SPATA6L: variants seen among roughly 807,000 people sequenced by gnomAD.
The protein encoded by SPATA6L is spermatogenesis associated 6 like.
A neutral mutation model predicts 49.2 loss-of-function variants in SPATA6L; 68 were observed. The ratio of observed to expected loss-of-function variants is 1.38; its 90% confidence interval spans 1.14 to 1.69. SPATA6L has a LOEUF of 1.69. Among genes scored for constraint, SPATA6L ranks in the 40% most tolerant of loss-of-function variants. SPATA6L has a pLI of 0.00. For missense variants in SPATA6L, 668 were observed against 464.3 expected (o/e 1.44, Z -4.03); for synonymous variants, 198 against 165.7 (o/e 1.19, Z -1.50).
chr9:4,618,545 A>C (rs564438115), intron 8 of SPATA6L, among the ~76,000 whole-genome samples: 3 of 152,336 alleles, frequency 2.0e-5, no homozygotes, highest in African/African-American at 7.2e-5. Context: ...AACTTCAAGA[A>C]CAAGTGATTT....
At chr9:4,648,145 G>T (rs301478) in intron 3 of SPATA6L, among the ~76,000 whole-genome samples, 95,786 of 151,932 alleles carry the variant, frequency 0.63, 32,161 homozygotes, top group African/African-American at 0.88. Flanking sequence ...ATGAAAACAT[G>T]TTAAACAGAC....
At chr9:4,610,653 G>A (rs992694737) in intron 9 of SPATA6L, among the ~76,000 whole-genome samples, 4 of 152,048 alleles carry the variant, frequency 2.6e-5, no homozygotes, top group African/African-American at 9.7e-5. Context: ...AATTCCAGAT[G>A]GATTAAAGAA....
chr9:4,649,212 G>A (rs371866477), intron 3 of SPATA6L, among the ~76,000 whole-genome samples: 8 of 152,120 alleles, frequency 5.3e-5, no homozygotes, highest in African/African-American at 1.9e-4. Flanking sequence ...TTCATAAAAT[G>A]ACCTCTTTTC....
In SPATA6L at chr9:4,656,480, GGAAGGAAGGAAGGAAGGAAGGAAGGGA is replaced by G. The variant is rs1435954985; in HGVS notation, c.178-418_178-392del. On this transcript the variant is annotated intron_variant, in intron 2 of 11. Transcript: ENST00000682582. ...AGGAAGGAAGGAAGGAAGGAAGGAA[GGAAGGAAGGAAGGAAGGAAGGAAGGGA>G]GGAGCCGTAAATTATATTCTTCCAA... 1.7e-4 allele frequency among the ~76,000 whole-genome samples: 26 copies of G among 148,658 alleles called. 1 individual carries two copies. The highest frequency in any genetic ancestry group is 6.7e-4 in the African/African-American group (26 of 38,922).
chr9:4,594,875 A>T (rs1029500514), downstream of SPATA6L, among the ~76,000 whole-genome samples: 3 of 152,140 alleles, frequency 2.0e-5, no homozygotes, highest in African/African-American at 7.2e-5. Context: ...CAGAGGGATT[A>T]AAAAAATACT....
intron 2 of SPATA6L, among the ~76,000 whole-genome samples, chr9:4,656,310 A>G (rs1036030661): frequency 6.6e-6 from 1 of 152,134 alleles, no homozygotes; most frequent in African/African-American, 2.4e-5. Context: ...ATGGTGGCTC[A>G]TGCCTGTATT....
chr9:4,623,800 A>C (rs1216985355), intron 6 of SPATA6L, among the ~76,000 whole-genome samples: 1 of 152,242 alleles, frequency 6.6e-6, no homozygotes, highest in African/African-American at 2.4e-5. Context: ...ATTTTACAAT[A>C]ATTTATATCA....
rs536062726 is a variant in SPATA6L at position 4,629,090 on chromosome 9, C to T, written c.429+1G>A. On this transcript the variant is annotated splice_donor_variant, in intron 5 of 11. Transcript: ENST00000682582. LOFTEE classifies it high-confidence loss of function. Reference sequence around the variant, plus strand: ...TATCACTAGATTTGTATTGTACTTACAAGAAATCTGTTTCTATGCAGAAAC... The same window carrying T: ...TATCACTAGATTTGTATTGTACTTATAAGAAATCTGTTTCTATGCAGAAAC... 3 of 1,598,466 alleles carry T rather than the reference C, an allele frequency of 1.9e-6. No individual in the cohort carries two copies. The highest frequency in any genetic ancestry group is 1.1e-5 in the South Asian group (1 of 89,664).
intron 2 of SPATA6L, among the ~76,000 whole-genome samples, chr9:4,659,754 C>T (rs993969862): frequency 2.6e-5 from 4 of 152,190 alleles, no homozygotes; most frequent in African/African-American, 9.7e-5. Flanking sequence ...AGGCTGGAAG[C>T]ATCACGCTAC....
chr9:4,652,991 G>T (rs966058733), intron 3 of SPATA6L, among the ~76,000 whole-genome samples: 1 of 152,090 alleles, frequency 6.6e-6, no homozygotes, highest in Non-Finnish European at 1.5e-5. Flanking sequence ...TATCCTAGCT[G>T]GCTTCTTTGC....
At position 4,663,140 on chromosome 9, in the gene SPATA6L, G is replaced by T. The variant is rs143641892; in HGVS notation, c.40-1104C>A. Reference sequence around the variant, plus strand: ...GCCTATCCAGGGTCATGCTGGGGCGGCACAATGTCACCGACGTAGCTTTTG... The same window carrying T: ...GCCTATCCAGGGTCATGCTGGGGCGTCACAATGTCACCGACGTAGCTTTTG... On this transcript the variant is annotated intron_variant, in intron 1 of 11. Coordinates refer to ENST00000682582, the MANE Select transcript of SPATA6L (RefSeq NM_001353486.2). The T allele has an allele frequency of 4.3e-6, 7 of 1,613,998 alleles. No individual in the cohort carries two copies. In the African/African-American group the frequency reaches 6.7e-5, roughly 15 times the overall value.
chr9:4,642,144 G>A (rs932467024), intron 3 of SPATA6L, among the ~76,000 whole-genome samples: 2 of 152,026 alleles, frequency 1.3e-5, no homozygotes, highest in African/African-American at 2.4e-5. Flanking sequence ...ACATACTTTC[G>A]TGTTAAATTT....
rs552007350 is a variant in SPATA6L, at chr9:4,620,651, T to C, written c.773-1753A>G. 1.2e-3 allele frequency among the ~76,000 whole-genome samples: 187 copies of C among 152,328 alleles called. 1 individual carries two copies. Among genetic ancestry groups the C allele is most frequent in the South Asian group, 1.7e-3 (8 of 4,828 alleles). On this transcript the variant is annotated intron_variant, in intron 7 of 11. Transcript: ENST00000682582. The stretch of plus-strand genomic sequence containing the variant: ...AAGGATCTGAGCCCAGAGGTCTGAA[T>C]GTCTTCTCTAAATGTAGGTATGCCA...
chr9:4,648,728 A>AAATAAATAATG (rs57076571), intron 3 of SPATA6L, among the ~76,000 whole-genome samples: 1 of 151,392 alleles, frequency 6.6e-6, no homozygotes, highest in East Asian at 1.9e-4. Flanking sequence ...ATAAATAAAT[A>AAATAAATAATG]CATAAGTTCT....
chr9:4,649,276 T>C (rs1836261057), intron 3 of SPATA6L, among the ~76,000 whole-genome samples: 1 of 152,258 alleles, frequency 6.6e-6, no homozygotes, highest in Non-Finnish European at 1.5e-5. Context: ...ATGATAGTTC[T>C]ACTTTTAGTT....
chr9:4,664,880 C>T (rs1489872332), intron 1 of SPATA6L: 1 of 167,106 alleles, frequency 6.0e-6, no homozygotes, highest in African/African-American at 2.4e-5. Flanking sequence ...ATACCGACTA[C>T]CTCTTCACTT....
intron 9 of SPATA6L, among the ~76,000 whole-genome samples, chr9:4,606,698 A>C (rs1172425901): frequency 3.0e-5 from 4 of 135,258 alleles, no homozygotes; most frequent in Non-Finnish European, 4.7e-5. Context: ...TGGGGAAAAA[A>C]CAGAACAGAA....
chr9:4,650,133 C>A (rs1362982707), intron 3 of SPATA6L, among the ~76,000 whole-genome samples: 1 of 152,188 alleles, frequency 6.6e-6, no homozygotes, highest in Non-Finnish European at 1.5e-5. Flanking sequence ...TATGCTACCT[C>A]TGTAGGTACT....
chr9:4,605,860 C>T (rs894003294), intron 9 of SPATA6L, among the ~76,000 whole-genome samples: 23 of 152,206 alleles, frequency 1.5e-4, no homozygotes, highest in Non-Finnish European at 2.9e-5. Context: ...GCGTGAGCGA[C>T]GCAGAGGACG....
Sources: gnomAD v4.1 joint callset for allele counts (sites outside exome capture counted in the v4.1 genomes callset) on GRCh38, gnomAD v4.1.1 for gene constraint, MANE v1.5 for transcripts, NCBI Gene and HGNC (gene_info 2026-07-23, HGNC 2026-07-21) for gene names.